The following CBFA2T3 variants were observed in gnomAD, a reference collection of about 807,000 sequenced individuals.
CBFA2T3 encodes CBFA2/RUNX1 partner transcriptional co-repressor 3.
A neutral mutation model predicts 58.6 loss-of-function variants in CBFA2T3; 31 were observed. The ratio of observed to expected loss-of-function variants is 0.53; its 90% CI spans 0.40 to 0.71. The LOEUF (loss-of-function observed/expected upper bound fraction) is 0.71. CBFA2T3 is among the 30% of genes least tolerant of loss of function. The pLI, the probability that CBFA2T3 is intolerant of heterozygous loss-of-function variation, is 0.00. For missense variants in CBFA2T3, 1,076 were observed against 963.1 expected (o/e 1.12, Z -1.55); for synonymous variants, 531 against 421.9 (o/e 1.26, Z -3.17).
At chr16:88,882,513 G>A (rs1358066471) in intron 8 of CBFA2T3, among the ~76,000 whole-genome samples, 163 bp downstream of exon 8, 1 of 150,266 alleles carries the variant, frequency 6.7e-6, no homozygotes, top group Non-Finnish European at 1.5e-5. Context: ...GTGGCTGTGT[G>A]GGCGTGGCTT....
At chr16:88,974,751 C>G (rs902641050) in intron 1 of CBFA2T3, among the ~76,000 whole-genome samples, 7 of 152,026 alleles carry the variant, frequency 4.6e-5, no homozygotes, top group Admixed American at 4.6e-4. Context: ...CTGTCCAGGA[C>G]CCCCCGCAGT....
chr16:88,891,822 G>C, intron 5 of CBFA2T3, 60 bp downstream of exon 5: 1 of 1,190,472 alleles, frequency 8.4e-7, no homozygotes, highest in Non-Finnish European at 1.2e-6. Context: ...CTGGCAAGGA[G>C]TGGGATTAAG....
At chr16:88,936,845 C>G (rs947871312) in intron 1 of CBFA2T3, 10 of 152,308 alleles carry the variant, frequency 6.6e-5, no homozygotes, top group Non-Finnish European at 1.3e-4. Flanking sequence ...CGGATCCCGG[C>G]GGGTCCTGAG....
Position 88,924,582 on chromosome 16 carries a change from C to T in CBFA2T3, c.152-22926G>A, listed in dbSNP as rs190329394. Among the ~76,000 whole-genome samples the T allele has an allele frequency of 6.6e-5, 10 of 152,228 alleles. No homozygotes were observed. The East Asian group carries it at 1.7e-3, about 27-fold the overall frequency. On this transcript the variant is annotated intron_variant, in intron 1 of 11. Coordinates refer to ENST00000268679, the MANE Select transcript of CBFA2T3 (RefSeq NM_005187.6). The stretch of plus-strand genomic sequence containing the variant: ...CTCTCGGTGCTGTGTCGTGGGGCCT[C>T]GAAGCAGCTGGAAGCAGGGAGTGGC...
intron 1 of CBFA2T3, chr16:88,940,248 G>C (rs1193399540): frequency 6.4e-6 from 1 of 155,554 alleles, no homozygotes; most frequent in African/African-American, 2.4e-5. Flanking sequence ...GCGGACGCAG[G>C]GGCGGGGGAG....
At chr16:88,946,032 G>C (rs1431265833) in intron 1 of CBFA2T3, among the ~76,000 whole-genome samples, 2 of 152,198 alleles carry the variant, frequency 1.3e-5, no homozygotes, top group East Asian at 1.9e-4. Flanking sequence ...TGATGGCCGG[G>C]CGTGGTGGCT....
rs373331008 is a variant in CBFA2T3, at chr16:88,940,844, G to C, written c.151+35813C>G. On this transcript the variant is annotated intron_variant, in intron 1 of 11. Coordinates refer to ENST00000268679, the MANE Select transcript of CBFA2T3 (RefSeq NM_005187.6). ...GCAGGTCAGGCTCTGCTCACGGGGG[G>C]CTGCGCTCAGCCCGGATGGGTGGGC... 2.8e-3 allele frequency among the ~76,000 whole-genome samples: 431 copies of C among 152,300 alleles called. 3 individuals carry two copies. The highest frequency in any genetic ancestry group is 0.022 in the East Asian group (114 of 5,160).
chr16:88,923,422 A>C (rs553089998), intron 1 of CBFA2T3, among the ~76,000 whole-genome samples: 240 of 152,350 alleles, frequency 1.6e-3, no homozygotes, highest in Non-Finnish European at 2.9e-3. Flanking sequence ...CAGAGACCTC[A>C]AGCTGAGTGG....
chr16:88,951,289 G>T (rs1319151031), intron 1 of CBFA2T3: 4 of 456,570 alleles, frequency 8.8e-6, no homozygotes, highest in African/African-American at 8.0e-5. Flanking sequence ...CCCTGGACTG[G>T]CACCAGCACA....
intron 5 of CBFA2T3, chr16:88,887,101 C>T (rs1179395105): frequency 1.3e-5 from 2 of 152,250 alleles, no homozygotes; most frequent in Non-Finnish European, 2.9e-5. Flanking sequence ...GCCAGCGGTT[C>T]TAAGCATTTG....
intron 1 of CBFA2T3, among the ~76,000 whole-genome samples, chr16:88,902,944 G>A (rs1269573126): frequency 3.3e-5 from 5 of 151,746 alleles, no homozygotes; most frequent in Non-Finnish European, 7.4e-5. Flanking sequence ...GTTAACACCT[G>A]TGGGTCTCAC....
intron 1 of CBFA2T3, among the ~76,000 whole-genome samples, chr16:88,915,816 C>T (rs946874153): frequency 6.6e-6 from 1 of 151,754 alleles, no homozygotes; most frequent in Non-Finnish European, 1.5e-5. Context: ...GGCGGGCGCC[C>T]TGGTGGGCTG....
At chr16:88,972,688 G>C (rs771338536) in intron 1 of CBFA2T3, among the ~76,000 whole-genome samples, 18 of 152,228 alleles carry the variant, frequency 1.2e-4, no homozygotes, top group Non-Finnish European at 2.5e-4. Context: ...AGGGTCAGCA[G>C]AGCCTGCTGT....
At chr16:88,934,421 G>A (rs535330908) in intron 1 of CBFA2T3, among the ~76,000 whole-genome samples, 35 of 152,376 alleles carry the variant, frequency 2.3e-4, no homozygotes, top group African/African-American at 2.6e-4. Flanking sequence ...GGAGCAGCTC[G>A]GCCGCAGAGG....
intron 5 of CBFA2T3, among the ~76,000 whole-genome samples, chr16:88,890,075 C>G (rs972673832): frequency 1.3e-5 from 2 of 151,060 alleles, no homozygotes; most frequent in Non-Finnish European, 3.0e-5. Flanking sequence ...GACGATGCCC[C>G]GCGATTCCTC....
rs1971342241 is a variant in CBFA2T3 at position 88,932,389 on chromosome 16, C to A, written c.152-30733G>T. On this transcript the variant is annotated intron_variant, in intron 1 of 11. Transcript: ENST00000268679. ...GCGGCTCACGCCTACAATCCCAGCA[C>A]TTTGGGAGGCTGAGGTGGGAGGATC... Among the ~76,000 whole-genome samples, 3 of 152,204 alleles carry A rather than the reference C, an allele frequency of 2.0e-5. No individual in the cohort carries two copies. The South Asian group carries it at 6.2e-4, about 32-fold the overall frequency.
intron 1 of CBFA2T3, among the ~76,000 whole-genome samples, chr16:88,912,673 G>A (rs1050268593): frequency 1.3e-5 from 2 of 152,212 alleles, no homozygotes; most frequent in African/African-American, 2.4e-5. Context: ...AACAGCACCT[G>A]GCACACGGCA....
chr16:88,886,176 G>A (rs748822708), intron 5 of CBFA2T3, 34 bp from the exon 6 acceptor site: 2 of 1,473,108 alleles, frequency 1.4e-6, no homozygotes, highest in South Asian at 2.7e-5. Flanking sequence ...TGGGTAGCAT[G>A]CAGGGGTGCA....
intron 10 of CBFA2T3, among the ~76,000 whole-genome samples, chr16:88,880,372 CCT>C (rs1234737586): frequency 1.6e-4 from 25 of 152,240 alleles, no homozygotes; most frequent in Admixed American, 3.9e-4. Flanking sequence ...CACGTCTGCC[CCT>C]GTTCTGACCC....
Sources: gnomAD v4.1 joint callset for allele counts (sites outside exome capture counted in the v4.1 genomes callset) on GRCh38, gnomAD v4.1.1 for gene constraint, MANE v1.5 for transcripts, NCBI Gene and HGNC (gene_info 2026-07-23, HGNC 2026-07-21) for gene names.